The following RNF13 variants were observed in gnomAD, a reference collection of about 807,000 sequenced individuals.
RNF13 encodes the protein ring finger protein 13, also known as E3 ubiquitin-protein ligase RNF13.
A neutral mutation model predicts 37.7 loss-of-function variants in RNF13; 19 were observed. That is an observed-to-expected ratio of 0.50 (90% CI 0.35 to 0.74). The LOEUF (loss-of-function observed/expected upper bound fraction) is 0.74. Ranked by LOEUF, RNF13 falls within the 30% of genes least tolerant of loss-of-function variation. RNF13 has a pLI of 0.01. For synonymous variants in RNF13, 144 were observed against 157.8 expected (o/e 0.91, Z 0.65); for missense variants, 375 against 453.0 (o/e 0.83, Z 1.56).
At chr3:149,894,185 T>A (rs1715007528) in intron 4 of RNF13, among the ~76,000 whole-genome samples, 1 of 152,160 alleles carries the variant, frequency 6.6e-6, no homozygotes, top group African/African-American at 2.4e-5. Flanking sequence ...TAGGATAATA[T>A]TATTCTGATT....
intron 4 of RNF13, among the ~76,000 whole-genome samples, chr3:149,884,407 C>G (rs1264286565): frequency 1.3e-5 from 2 of 151,876 alleles, no homozygotes; most frequent in South Asian, 2.1e-4. Flanking sequence ...AGTCTCCCCT[C>G]TCTGGCTGGT....
chr3:149,837,238 T>C lies in RNF13; in HGVS notation c.-16-8773T>C, dbSNP rs1462103342. On this transcript the variant is annotated intron_variant, in intron 1 of 9. Transcript: ENST00000392894. ...CATGCATTTAGTAAACTTTTTATTATATAAATTCTCAAACATATAGAAAAG... is the reference window on the plus strand; with the variant it reads ...CATGCATTTAGTAAACTTTTTATTACATAAATTCTCAAACATATAGAAAAG... Among the ~76,000 whole-genome samples, 3 of 152,226 alleles carry C rather than the reference T, an allele frequency of 2.0e-5. No homozygotes were observed. In the East Asian group the frequency reaches 5.8e-4, roughly 29 times the overall value.
intron 1 of RNF13, among the ~76,000 whole-genome samples, chr3:149,821,145 TA>T (rs951397137): frequency 4.6e-5 from 7 of 152,200 alleles, no homozygotes; most frequent in African/African-American, 1.7e-4. Flanking sequence ...TCCAAGGATT[TA>T]TTTGAGAACC....
chr3:149,839,672 C>A (rs1221457477), intron 1 of RNF13, among the ~76,000 whole-genome samples: 1 of 152,202 alleles, frequency 6.6e-6, no homozygotes, highest in Non-Finnish European at 1.5e-5. Context: ...CACGAGGTTT[C>A]TCCCACAACA....
intron 8 of RNF13, among the ~76,000 whole-genome samples, chr3:149,944,684 A>T (rs1403713453): frequency 6.6e-6 from 1 of 151,278 alleles, no homozygotes; most frequent in African/African-American, 2.4e-5. Context: ...AATTTGTTGG[A>T]GTTCTTTGTG....
intron 3 of RNF13, among the ~76,000 whole-genome samples, chr3:149,860,867 CAG>C (rs1724186081): frequency 6.6e-6 from 1 of 152,050 alleles, no homozygotes; most frequent in African/African-American, 2.4e-5. Flanking sequence ...CTCCATGTGA[CAG>C]GGGACTAATA....
intron 1 of RNF13, among the ~76,000 whole-genome samples, chr3:149,819,375 A>G (rs1005497182): frequency 6.6e-6 from 1 of 152,266 alleles, no homozygotes; most frequent in East Asian, 1.9e-4. Context: ...AGTTTCCCCC[A>G]TTGCCATTAT....
intron 3 of RNF13, among the ~76,000 whole-genome samples, chr3:149,868,180 A>G (rs960505029): frequency 2.0e-5 from 3 of 151,588 alleles, no homozygotes; most frequent in Non-Finnish European, 2.9e-5. Flanking sequence ...CTTTTTTTAA[A>G]CAATTGTTTT....
intron 8 of RNF13, among the ~76,000 whole-genome samples, chr3:149,932,037 G>C (rs1719208016): frequency 6.6e-6 from 1 of 152,058 alleles, no homozygotes; most frequent in African/African-American, 2.4e-5. Flanking sequence ...TGGCTGAATA[G>C]TATTCCATTG....
intron 4 of RNF13, among the ~76,000 whole-genome samples, chr3:149,882,323 A>G (rs983015329): frequency 1.7e-4 from 26 of 152,138 alleles, no homozygotes; most frequent in African/African-American, 6.3e-4. Context: ...ACCAACAGAT[A>G]CGAGGAAATT....
chr3:149,843,188 G>A (rs1722332164), intron 1 of RNF13, among the ~76,000 whole-genome samples: 1 of 152,106 alleles, frequency 6.6e-6, no homozygotes, highest in Non-Finnish European at 1.5e-5. Flanking sequence ...TTAGATATAA[G>A]CAATCTAGAG....
chr3:149,822,194 T>A (rs982627380), intron 1 of RNF13, among the ~76,000 whole-genome samples: 2 of 152,160 alleles, frequency 1.3e-5, no homozygotes, highest in African/African-American at 4.8e-5. Flanking sequence ...GCCATAGAAA[T>A]TTTGATAGGT....
chr3:149,876,418 A>T (rs990890859), intron 4 of RNF13, among the ~76,000 whole-genome samples: 1 of 152,156 alleles, frequency 6.6e-6, no homozygotes, highest in Non-Finnish European at 1.5e-5. Flanking sequence ...TGGATTGTAG[A>T]TGATAAGGAA....
intron 7 of RNF13, among the ~76,000 whole-genome samples, chr3:149,918,959 A>T (rs1484289502): frequency 6.6e-6 from 1 of 152,130 alleles, no homozygotes; most frequent in African/African-American, 2.4e-5. Flanking sequence ...AAAACGGTGG[A>T]TTTAATCCAT....
intron 1 of RNF13, among the ~76,000 whole-genome samples, chr3:149,838,140 G>T (rs1451533327): frequency 6.6e-6 from 1 of 152,232 alleles, no homozygotes; most frequent in Non-Finnish European, 1.5e-5. Flanking sequence ...CAAGAGGTAG[G>T]TTCCTATGGT....
chr3:149,865,711 T>G (rs573241790), intron 3 of RNF13, among the ~76,000 whole-genome samples: 9 of 152,322 alleles, frequency 5.9e-5, no homozygotes, highest in African/African-American at 2.2e-4. Flanking sequence ...TTTCTCTCTG[T>G]CTACTAATTT....
chr3:149,930,371 G>T (rs1719049448), intron 8 of RNF13, among the ~76,000 whole-genome samples: 1 of 152,198 alleles, frequency 6.6e-6, no homozygotes, highest in Non-Finnish European at 1.5e-5. Flanking sequence ...AGAAATTGCT[G>T]AGATTTTGAT....
intron 3 of RNF13, among the ~76,000 whole-genome samples, chr3:149,870,512 A>G (rs752949748): frequency 6.6e-6 from 1 of 151,874 alleles, no homozygotes; most frequent in Non-Finnish European, 1.5e-5. Flanking sequence ...CTGGAAGCCA[A>G]CCTATATGGC....
intron 9 of RNF13, among the ~76,000 whole-genome samples, 165 bp downstream of exon 9, chr3:149,960,301 A>G (rs1722259427): frequency 6.6e-6 from 1 of 152,134 alleles, no homozygotes; most frequent in Admixed American, 6.5e-5. Context: ...AAAAATTTAT[A>G]AACTTTCAGG....
Sources: gnomAD v4.1 joint callset for allele counts (sites outside exome capture counted in the v4.1 genomes callset) on GRCh38, gnomAD v4.1.1 for gene constraint, MANE v1.5 for transcripts, NCBI Gene and HGNC (gene_info 2026-07-23, HGNC 2026-07-21) for gene names.